Variants in SLC25A40 observed in about 807,000 individuals in gnomAD.
The protein encoded by SLC25A40 is mitochondrial glutathione transporter SLC25A40.
A neutral mutation model predicts 46.5 loss-of-function variants in SLC25A40; 41 were observed. The observed-to-expected ratio is 0.88, with a 90% CI of 0.69 to 1.14. The LOEUF (loss-of-function observed/expected upper bound fraction) is 1.14. SLC25A40 is among the 50% of genes most tolerant of loss of function. The pLI, the probability that SLC25A40 is intolerant of heterozygous loss-of-function variation, is 0.00. For synonymous variants in SLC25A40, 126 were observed against 127.5 expected (o/e 0.99, Z 0.08); for missense variants, 386 against 393.6 (o/e 0.98, Z 0.16).
chr7:87,841,535 G>A, intron 10 of SLC25A40, 98 bp downstream of exon 10: 1 of 648,334 alleles, frequency 1.5e-6, no homozygotes, highest in African/African-American at 1.9e-5. Context: ...TAATGCAGAA[G>A]AAAAAATCTT....
chr7:87,874,407 C>T (rs1838944881), intron 1 of SLC25A40, among the ~76,000 whole-genome samples: 1 of 152,194 alleles, frequency 6.6e-6, no homozygotes, highest in Non-Finnish European at 1.5e-5. Flanking sequence ...GTCTTCCCTT[C>T]ATTATACTTT....
Position 87,841,893 on chromosome 7 carries a change from T to TATC in SLC25A40, c.742-180_742-179insGAT, listed in dbSNP as rs1838341735. On this transcript the variant is annotated intron_variant, in intron 9 of 11. Coordinates refer to ENST00000341119, the MANE Select transcript of SLC25A40 (RefSeq NM_018843.4). ...AAGCAAATAGATATGTATTTCTCAC[T>TATC]ATACTCAAAAGTAAAAAGCCTCAGA... The TATC allele has an allele frequency of 8.8e-6, 3 of 342,004 alleles. No individual in the cohort carries two copies. The East Asian group carries it at 1.7e-4, about 19-fold the overall frequency. 21.2% of individuals were successfully genotyped at this position (342,004 alleles called of 1,614,324 possible). A position where few individuals can be genotyped will look rare whatever the true frequency, so the allele number is the denominator to read the frequency against.
At chr7:87,870,598 ACCCTCATCCTGTG>A (rs2131024654) in intron 1 of SLC25A40, among the ~76,000 whole-genome samples, 1 of 152,158 alleles carries the variant, frequency 6.6e-6, no homozygotes, top group Non-Finnish European at 1.5e-5. Flanking sequence ...GACCTGCCCC[ACCCTCATCCTGTG>A]CCCATAAAAA....
chr7:87,855,489 A>G (rs1229689928), intron 4 of SLC25A40, among the ~76,000 whole-genome samples: 2 of 142,610 alleles, frequency 1.4e-5, no homozygotes, highest in Non-Finnish European at 2.9e-5. Flanking sequence ...TTACTGGACT[A>G]ACTGTTGCCA....
chr7:87,836,607 GAT>G, intron 11 of SLC25A40, 121 bp downstream of exon 11: 1 of 563,172 alleles, frequency 1.8e-6, no homozygotes, highest in East Asian at 3.4e-5. Flanking sequence ...TTATAATAAA[GAT>G]ATTTAGGAGA....
chr7:87,844,762 A>T (rs899239629), intron 8 of SLC25A40, among the ~76,000 whole-genome samples: 5 of 152,100 alleles, frequency 3.3e-5, no homozygotes, highest in Non-Finnish European at 5.9e-5. Flanking sequence ...TTAAAAAATT[A>T]AAATAGAGCT....
intron 1 of SLC25A40, among the ~76,000 whole-genome samples, chr7:87,868,262 G>A (rs1272632398): frequency 1.3e-5 from 2 of 152,174 alleles, no homozygotes; most frequent in Non-Finnish European, 2.9e-5. Flanking sequence ...AAGACTCGGA[G>A]GAAAAGTATC....
At chr7:87,844,565 TAAGA>T (rs1419730457) in intron 8 of SLC25A40, among the ~76,000 whole-genome samples, 1 of 151,966 alleles carries the variant, frequency 6.6e-6, no homozygotes, top group Non-Finnish European at 1.5e-5. Context: ...GGGCAGCAAG[TAAGA>T]AAGAAAAGTT....
chr7:87,850,063 A>G (rs1838485424), intron 5 of SLC25A40, 115 bp from the exon 6 acceptor site: 1 of 674,370 alleles, frequency 1.5e-6, no homozygotes, highest in South Asian at 2.4e-5. Context: ...TAAAAAAATA[A>G]GCTTTTTGGA....
chr7:87,869,580 T>C (rs1364765752), intron 1 of SLC25A40, among the ~76,000 whole-genome samples: 4 of 152,048 alleles, frequency 2.6e-5, no homozygotes. Flanking sequence ...CTTTATTCTA[T>C]TTCAGTTCGT....
chr7:87,861,266 C>T (rs969536613), intron 1 of SLC25A40, among the ~76,000 whole-genome samples: 1 of 152,138 alleles, frequency 6.6e-6, no homozygotes, highest in African/African-American at 2.4e-5. Context: ...TAAGAGTCAA[C>T]CACCAAAAGA....
At chr7:87,862,139 A>T (rs1838711595) in intron 1 of SLC25A40, among the ~76,000 whole-genome samples, 1 of 152,126 alleles carries the variant, frequency 6.6e-6, no homozygotes, top group Non-Finnish European at 1.5e-5. Flanking sequence ...TAAACTCCCT[A>T]CAGTTTTACC....
At chr7:87,845,373 A>AAT (rs1252883227) in intron 8 of SLC25A40, among the ~76,000 whole-genome samples, 4 of 152,106 alleles carry the variant, frequency 2.6e-5, no homozygotes, top group Non-Finnish European at 4.4e-5. Context: ...GTGAGTGAGC[A>AAT]TTACCGCCTG....
At chr7:87,844,787 T>G (rs185073108) in intron 8 of SLC25A40, among the ~76,000 whole-genome samples, 1 of 149,846 alleles carries the variant, frequency 6.7e-6, no homozygotes, top group African/African-American at 2.4e-5. Context: ...AAATAGCTAC[T>G]AAAAGCTGGG....
At chr7:87,850,709 A>G (rs1838494529) in intron 5 of SLC25A40, among the ~76,000 whole-genome samples, 2 of 151,988 alleles carry the variant, frequency 1.3e-5, no homozygotes, top group South Asian at 4.2e-4. Flanking sequence ...GAGAGGCTGC[A>G]CTGAGCTGAG....
At chr7:87,836,914 T>C (rs1183748290) in intron 10 of SLC25A40, 104 bp from the exon 11 acceptor site, 2 of 585,526 alleles carry the variant, frequency 3.4e-6, no homozygotes, top group African/African-American at 4.0e-5. Context: ...ATCATTTCTT[T>C]ACCATAAGAA....
intron 4 of SLC25A40, among the ~76,000 whole-genome samples, chr7:87,855,546 A>C (rs560915237): frequency 3.6e-4 from 55 of 152,298 alleles, no homozygotes; most frequent in African/African-American, 1.3e-3. Flanking sequence ...AAAGCTGTGA[A>C]TTTTGTAATA....
At chr7:87,864,980 CTTT>C (rs927908236) in intron 1 of SLC25A40, among the ~76,000 whole-genome samples, 6 of 121,484 alleles carry the variant, frequency 4.9e-5, no homozygotes, top group Non-Finnish European at 1.1e-4. Context: ...CTTTTCTTTT[CTTT>C]TTTTTTTTTT....
rs904177279 is a variant in SLC25A40, at chr7:87,833,696, GTACATATGCAGGTTTGT to G, written c.*2536_*2552del. 4 of 151,918 alleles carry G rather than the reference GTACATATGCAGGTTTGT, an allele frequency of 2.6e-5. No individual in the cohort carries two copies. The highest frequency in any genetic ancestry group is 1.3e-4 in the Admixed American group (2 of 15,202). The allele number at this position is 151,918 out of a possible 1,614,324, so 9.4% of individuals were successfully genotyped here. On this transcript the variant is annotated 3_prime_UTR_variant, in exon 12 of 12. Coordinates refer to ENST00000341119, the MANE Select transcript of SLC25A40 (RefSeq NM_018843.4). ...AAGAGGGAAGAATTTAAGTTTAGGG[GTACATATGCAGGTTTGT>G]TACACAGGTAAACTTTTGTGTCATG...
Sources: allele counts gnomAD v4.1 joint callset (sites outside exome capture counted in the v4.1 genomes callset), GRCh38; gene constraint gnomAD v4.1.1; transcripts MANE v1.5; gene names NCBI Gene and HGNC (gene_info 2026-07-23, HGNC 2026-07-21).